The following FRMD3 variants were observed in gnomAD, a reference collection of about 807,000 sequenced individuals.
FRMD3 encodes FERM domain-containing protein 3.
FRMD3 carries 33 observed loss-of-function variants against 70.2 expected under a neutral mutation model. The observed-to-expected ratio is 0.47, with a 90% CI of 0.36 to 0.63. The LOEUF (loss-of-function observed/expected upper bound fraction) is 0.63. Among genes scored for constraint, FRMD3 ranks in the 20% least tolerant of loss-of-function variants. The probability of loss-of-function intolerance (pLI) is 0.00; values close to 1 mark genes in which losing one functional copy is unlikely to be tolerated. For missense variants in FRMD3, 632 were observed against 711.4 expected, an observed-to-expected ratio of 0.89 and a Z score of 1.27; for synonymous variants, 279 against 255.9, an observed-to-expected ratio of 1.09 and a Z score of -0.86.
In FRMD3 at chr9:83,312,081, C is replaced by T. The variant is rs965601056; in HGVS notation, c.685-106G>A. The T allele has an allele frequency of 5.0e-6, 4 of 804,274 alleles. No individual in the cohort carries two copies. In the South Asian group the frequency reaches 5.3e-5, roughly 11 times the overall value. 49.8% of individuals were successfully genotyped at this position (804,274 alleles called of 1,614,324 possible). On this transcript the variant is annotated intron_variant, in intron 7 of 13. Transcript: ENST00000304195. ...ATCCTCACCCTAGGTTAATTTTAGA[C>T]TAATCCCAATGATTGTAGCAATAAA...
chr9:83,365,562 G>GTGGAGAGCC (rs200637238), intron 3 of FRMD3, among the ~76,000 whole-genome samples: 2,317 of 152,188 alleles, frequency 0.015, 72 homozygotes, highest in African/African-American at 0.053. Context: ...GGGAAGGCAA[G>GTGGAGAGCC]TGGAGAGATT....
intron 2 of FRMD3, among the ~76,000 whole-genome samples, chr9:83,383,181 G>A (rs550046196): frequency 3.9e-5 from 6 of 152,308 alleles, no homozygotes; most frequent in East Asian, 1.9e-4. Flanking sequence ...CCTCCAGATC[G>A]GACTAGCTGC....
In FRMD3 at chr9:83,490,294, A is replaced by T. The variant is rs550454135; in HGVS notation, c.147+47791T>A. On this transcript the variant is annotated intron_variant, in intron 1 of 13. Coordinates refer to ENST00000304195, the MANE Select transcript of FRMD3 (RefSeq NM_174938.6). Reference sequence around the variant, plus strand: ...AGTCCTACATTCTTTCTTTTTAAAAATTTTTTATTTTTGGGGACAGAGTCT... The same window carrying T: ...AGTCCTACATTCTTTCTTTTTAAAATTTTTTTATTTTTGGGGACAGAGTCT... Among the ~76,000 whole-genome samples the T allele has an allele frequency of 2.7e-4, 41 of 152,040 alleles. No individual in the cohort carries two copies. The South Asian group carries it at 5.6e-3, about 21-fold the overall frequency.
At chr9:83,347,923 G>C (rs966821970) in intron 4 of FRMD3, among the ~76,000 whole-genome samples, 1 of 152,122 alleles carries the variant, frequency 6.6e-6, no homozygotes, top group Non-Finnish European at 1.5e-5. Context: ...AACTCAAAGG[G>C]TCACGATATT....
At chr9:83,332,994 T>C (rs934576951) in intron 6 of FRMD3, among the ~76,000 whole-genome samples, 1 of 152,192 alleles carries the variant, frequency 6.6e-6, no homozygotes, top group Non-Finnish European at 1.5e-5. Context: ...GATAACACTT[T>C]CTTGACCTGT....
chr9:83,563,096 T>C, the FRMD3 span, among the ~76,000 whole-genome samples: 1 of 152,058 alleles, frequency 6.6e-6, no homozygotes, highest in Non-Finnish European at 1.5e-5. Context: ...AGAGCTGCAA[T>C]TAAAAGCCAG....
Position 83,357,226 on chromosome 9 carries a change from TTA to T in FRMD3, c.296-7471_296-7470del, listed in dbSNP as rs1326874231. On this transcript the variant is annotated intron_variant, in intron 3 of 13. Transcript: ENST00000304195. Reference sequence around the variant, plus strand: ...ATAACATACATGGAATATATATATTTTATATATATATAATACATACATATATA... The same window carrying T: ...ATAACATACATGGAATATATATATTTTATATATATAATACATACATATATA... 5.9e-4 allele frequency among the ~76,000 whole-genome samples: 9 copies of T among 15,318 alleles called. 2 individuals are homozygous for T. The highest frequency in any genetic ancestry group is 1.2e-3 in the African/African-American group (3 of 2,434). The allele number at this position is 15,318 out of a possible 152,430, so 10.0% of individuals were successfully genotyped here.
At chr9:83,316,376 T>C (rs1835579559) in intron 6 of FRMD3, among the ~76,000 whole-genome samples, 1 of 152,048 alleles carries the variant, frequency 6.6e-6, no homozygotes, top group Non-Finnish European at 1.5e-5. Flanking sequence ...AGGCTAGTCT[T>C]GAAGTCCTGA....
the FRMD3 span, among the ~76,000 whole-genome samples, chr9:83,577,757 A>G: frequency 6.6e-6 from 1 of 151,982 alleles, no homozygotes; most frequent in African/African-American, 2.4e-5. Context: ...AGAGATCTCA[A>G]ATAAACAATC....
the FRMD3 span, among the ~76,000 whole-genome samples, chr9:83,557,514 C>T: frequency 6.6e-6 from 1 of 152,152 alleles, no homozygotes; most frequent in Admixed American, 6.5e-5. Context: ...AGATGTCCCC[C>T]ATCAGATAAC....
rs150249914 is a variant in FRMD3, at chr9:83,339,386, G to A, written c.473-3747C>T. Among the ~76,000 whole-genome samples, 6 of 152,276 alleles carry A rather than the reference G, an allele frequency of 3.9e-5. 1 individual carries two copies. The highest frequency in any genetic ancestry group is 3.3e-4 in the Admixed American group (5 of 15,290). On this transcript the variant is annotated intron_variant, in intron 5 of 13. Coordinates refer to ENST00000304195, the MANE Select transcript of FRMD3 (RefSeq NM_174938.6). ...GGTTCTCCCTCCTGCTCATGACTTG[G>A]AAGTTGAAGTCGTGACAAATGACAT...
chr9:83,385,862 A>C lies in FRMD3; in HGVS notation c.252+3742T>G, dbSNP rs143977488. Among the ~76,000 whole-genome samples the C allele has an allele frequency of 7.0e-3, 1,062 of 152,210 alleles. 6 individuals carry two copies. The highest frequency in any genetic ancestry group is 0.02 in the South Asian group (96 of 4,820). On this transcript the variant is annotated intron_variant, in intron 2 of 13. Transcript: ENST00000304195. ...GCCCATTTTCCGCCTTCTCTCTCCA[A>C]TGATCTTAATAGTAGTGCCCCCTGC... is the stretch of plus-strand genomic sequence containing the variant.
chr9:83,377,517 A>T (rs993347379), intron 2 of FRMD3, among the ~76,000 whole-genome samples: 2 of 152,184 alleles, frequency 1.3e-5, no homozygotes, highest in Non-Finnish European at 2.9e-5. Flanking sequence ...ATTGGATCAC[A>T]GGAGCAGATT....
chr9:83,407,878 T>TTCTCTCTCTCTCTCTCTCTCTCCTCTTTC (rs1826165297), intron 1 of FRMD3, among the ~76,000 whole-genome samples: 1 of 89,048 alleles, frequency 1.1e-5, no homozygotes, highest in African/African-American at 5.2e-5. Flanking sequence ...TCTCTCATCT[T>TTCTCTCTCTCTCTCTCTCTCTCCTCTTTC]TCTCTCTCTC....
chr9:83,281,621 G>T (rs954337530), intron 13 of FRMD3: 1 of 152,220 alleles, frequency 6.6e-6, no homozygotes, highest in African/African-American at 2.4e-5. Context: ...TCTTAACACA[G>T]ACTGTAAGTA....
chr9:83,269,287 A>ACTT, intron 13 of FRMD3, among the ~76,000 whole-genome samples: 1 of 152,358 alleles, frequency 6.6e-6, no homozygotes, highest in South Asian at 2.1e-4. Flanking sequence ...TGAAACAAAC[A>ACTT]GACCTTCCAA....
chr9:83,291,574 T>C (rs1039488479), intron 12 of FRMD3, among the ~76,000 whole-genome samples: 6 of 152,068 alleles, frequency 3.9e-5, no homozygotes, highest in African/African-American at 1.2e-4. Flanking sequence ...ACAGTCTCTC[T>C]CTCTCTCTCT....
At chr9:83,364,954 G>C (rs1217610193) in intron 3 of FRMD3, among the ~76,000 whole-genome samples, 1 of 152,134 alleles carries the variant, frequency 6.6e-6, no homozygotes, top group East Asian at 1.9e-4. Flanking sequence ...GATTGGCGTG[G>C]GGAATGGGAA....
intron 1 of FRMD3, among the ~76,000 whole-genome samples, chr9:83,477,804 T>C (rs2131470046): frequency 6.6e-6 from 1 of 152,238 alleles, no homozygotes; most frequent in South Asian, 2.1e-4. Context: ...ATCTCTGTTT[T>C]CAGGCTACCC....
Sources: allele counts gnomAD v4.1 joint callset (sites outside exome capture counted in the v4.1 genomes callset), GRCh38; gene constraint gnomAD v4.1.1; transcripts MANE v1.5; gene names NCBI Gene and HGNC (gene_info 2026-07-23, HGNC 2026-07-21).